The following SEPTIN3 variants were observed in gnomAD, a reference collection of about 807,000 sequenced individuals.
The protein encoded by SEPTIN3 is septin 3.
Under a neutral mutation model 45.1 loss-of-function variants are expected in SEPTIN3, and 15 were observed. The ratio of observed to expected loss-of-function variants is 0.33; its 90% CI spans 0.22 to 0.51. The LOEUF (loss-of-function observed/expected upper bound fraction) is 0.51, where lower values mean the gene tolerates loss of function less well. Ranked by LOEUF, SEPTIN3 falls within the 20% of genes least tolerant of loss-of-function variation. SEPTIN3 has a pLI of 0.97. For synonymous variants in SEPTIN3, 148 were observed against 164.8 expected (o/e 0.90, Z 0.78); for missense variants, 289 against 457.2 (o/e 0.63, Z 3.35).
chr22:41,985,978 C>A lies in SEPTIN3; in HGVS notation c.1697-6C>A. ...CTCCCTACCTCCTCCTCCTGCTTTG[C>A]TGTAGGCCAGAGTGGACTGGGCAAA... On this transcript the variant is annotated splice_polypyrimidine_tract_variant and splice_region_variant and intron_variant, in intron 3 of 11. Coordinates refer to ENST00000644076, the MANE Select transcript of SEPTIN3 (RefSeq NM_001363845.2). 1 of 1,603,710 alleles carries A rather than the reference C, an allele frequency of 6.2e-7. No individual in the cohort carries two copies. The highest frequency in any genetic ancestry group is 8.5e-7 in the Non-Finnish European group (1 of 1,174,888).
chr22:41,994,390 G>T lies in SEPTIN3; in HGVS notation c.2411+49G>T, dbSNP rs1195443986. On this transcript the variant is annotated intron_variant, in intron 10 of 11. Transcript: ENST00000644076. The surrounding 1 kb of genome is among the most constrained non-coding windows in gnomAD (Gnocchi z 4.2). ...TCCAGACAGCAGGTTGAATTATTTG[G>T]GGTCAGGGTCTATCTGTTCAGATTC... 1 of 1,593,468 alleles carries T rather than the reference G, an allele frequency of 6.3e-7. No homozygotes were observed. The highest frequency in any genetic ancestry group is 8.6e-7 in the Non-Finnish European group (1 of 1,162,098).
chr22:41,987,468 G>C (rs181494442), intron 5 of SEPTIN3, among the ~76,000 whole-genome samples, 154 bp from the exon 6 acceptor site: 27 of 152,294 alleles, frequency 1.8e-4, no homozygotes, highest in Non-Finnish European at 2.9e-4. Context: ...GAAAGCCATC[G>C]GTGCGGGGGC....
intron 11 of SEPTIN3, 99 bp from the exon 12 acceptor site, chr22:41,996,803 C>T: frequency 5.1e-6 from 8 of 1,570,244 alleles, no homozygotes; most frequent in Non-Finnish European, 6.1e-6. Flanking sequence ...TGCCTGGCAC[C>T]CCTGAACCAT....
chr22:41,984,455 A>C (rs2078170149), intron 3 of SEPTIN3, among the ~76,000 whole-genome samples: 1 of 152,216 alleles, frequency 6.6e-6, no homozygotes. Flanking sequence ...TGTCCGGGCA[A>C]TGCCGAGGCT....
At chr22:41,990,622 T>C (rs1265489824) in intron 7 of SEPTIN3, among the ~76,000 whole-genome samples, 2 of 150,492 alleles carry the variant, frequency 1.3e-5, no homozygotes, top group Non-Finnish European at 3.0e-5. Context: ...GGCGGGTGCC[T>C]GTAGTCCCAG....
Position 41,995,118 on chromosome 22 carries a change from G to A in SEPTIN3, c.2505+404G>A, listed in dbSNP as rs544996290. 8.3e-6 allele frequency: 9 copies of A among 1,089,322 alleles called. No individual in the cohort carries two copies. The South Asian group carries it at 1.4e-4, about 17-fold the overall frequency. 67.5% of individuals were successfully genotyped at this position (1,089,322 alleles called of 1,614,324 possible). A position where few individuals can be genotyped will look rare whatever the true frequency, so the allele number is the denominator to read the frequency against. The stretch of plus-strand genomic sequence containing the variant: ...GAGGTTTCATTTAAAAGTGCTGGGA[G>A]CAGGTGAGCCACAGGCAACTCTTCT... On this transcript the variant is annotated intron_variant, in intron 11 of 11. Transcript: ENST00000644076.
Position 41,976,999 on chromosome 22 carries a change from C to G in SEPTIN3, c.1504+4003C>G, listed in dbSNP as rs1459505511. The G allele has an allele frequency of 6.5e-6, 10 of 1,546,452 alleles. No homozygotes were observed. The East Asian group carries it at 2.6e-4, about 40-fold the overall frequency. On this transcript the variant is annotated intron_variant, in intron 2 of 11. Transcript: ENST00000644076. This position sits in a 1 kb window ranked among gnomAD's most constrained non-coding sequence, Gnocchi z 5.8. ...CCGCTCGGCCCGGGGAAGCCCGCGC[C>G]CCGCTCAGCCTTGCAGCCCCGCGCC...
intron 11 of SEPTIN3, chr22:41,995,756 T>C: frequency 1.0e-6 from 1 of 979,280 alleles, no homozygotes; most frequent in Non-Finnish European, 1.2e-6. Flanking sequence ...GTCAAGCACC[T>C]GAACAGGCCC....
rs190962969 is a variant in SEPTIN3, at chr22:41,970,497, A to T, written c.-20+820A>T. 4.0e-3 allele frequency among the ~76,000 whole-genome samples: 613 copies of T among 152,108 alleles called. 11 individuals carry two copies. Among genetic ancestry groups the T allele is most frequent in the Non-Finnish European group, 2.8e-3 (191 of 67,998 alleles). On this transcript the variant is annotated intron_variant, in intron 1 of 11. Transcript: ENST00000644076. The stretch of plus-strand genomic sequence containing the variant: ...TGTTCCCATCTGATCCCTCTGTCAC[A>T]CTGCCCGAGTGGCCGTTCCCACCTA...
At position 41,972,234 on chromosome 22, in the gene SEPTIN3, C is replaced by A; in HGVS notation, c.742C>A (p.Gln248Lys). The A allele has an allele frequency of 2.5e-6, 1 of 399,102 alleles. No homozygotes were observed. The highest frequency in any genetic ancestry group is 1.3e-4 in the South Asian group (1 of 7,854). The allele number at this position is 399,102 out of a possible 1,614,324, so 24.7% of individuals were successfully genotyped here. The change falls in exon 2 of 12, where the codon CAA becomes AAA. Residue 248 changes from glutamine (Q) to lysine (K), a missense_variant. Physicochemically the swap from Gln to Lys is moderately conservative, Grantham distance 53. Coordinates refer to ENST00000644076, the MANE Select transcript of SEPTIN3 (RefSeq NM_001363845.2). ...RGIPRPRGRL[Q>K]RANTTVNLTA... ...GATCCCCAGACCCCGGGGGCGTCTC[C>A]AAAGGGCCAACACGACTGTGAATTT...
chr22:41,986,487 CT>C (rs1226306928), intron 4 of SEPTIN3, among the ~76,000 whole-genome samples: 2 of 151,930 alleles, frequency 1.3e-5, no homozygotes, highest in Non-Finnish European at 1.5e-5. Context: ...AACCCTGTCT[CT>C]TTTTTTGTTT....
At chr22:41,982,433 G>A (rs187535218) in intron 3 of SEPTIN3, among the ~76,000 whole-genome samples, 32 of 152,286 alleles carry the variant, frequency 2.1e-4, no homozygotes, top group Non-Finnish European at 3.4e-4. Flanking sequence ...GCTCGAACCC[G>A]GGAGGTGGAG....
In SEPTIN3 at chr22:41,971,851, G is replaced by T. The variant is rs533927841; in HGVS notation, c.359G>T (p.Arg120Leu). ...SLTLHQNSQA[R>L]SLDRPLSHWE... ...ACTCTCCATCAGAACAGCCAGGCAC[G>T]GTCCCTGGATCGCCCACTTTCTCAC... The change falls in exon 2 of 12, where the codon CGG becomes CTG. Residue 120 changes from arginine (R) to leucine (L), a missense_variant. Physicochemically the swap from Arg to Leu is moderately radical, Grantham distance 102. Transcript: ENST00000644076. 5.0e-6 allele frequency: 2 copies of T among 399,200 alleles called. No homozygotes were observed. Among genetic ancestry groups the T allele is most frequent in the Non-Finnish European group, 8.8e-6 (2 of 226,220 alleles). 24.7% of individuals were successfully genotyped at this position (399,200 alleles called of 1,614,324 possible). A position where few individuals can be genotyped will look rare whatever the true frequency, so the allele number is the denominator to read the frequency against.
chr22:41,982,400 C>G (rs944232111), intron 3 of SEPTIN3, among the ~76,000 whole-genome samples: 4 of 152,046 alleles, frequency 2.6e-5, no homozygotes, highest in African/African-American at 9.7e-5. Flanking sequence ...CGCAGCTACT[C>G]GGGAGGCTGA....
intron 4 of SEPTIN3, among the ~76,000 whole-genome samples, chr22:41,986,506 G>GTTT (rs2078210485): frequency 2.0e-5 from 3 of 151,906 alleles, no homozygotes; most frequent in African/African-American, 7.3e-5. Context: ...TTTGTTTGTT[G>GTTT]TTTGTTTTTT....
intron 7 of SEPTIN3, 113 bp downstream of exon 7, chr22:41,989,797 C>A: frequency 1.4e-6 from 1 of 691,336 alleles, no homozygotes. Context: ...CCTCAACCCT[C>A]CCCCAATTCT....
At chr22:41,982,678 C>A (rs944310418) in intron 3 of SEPTIN3, among the ~76,000 whole-genome samples, 1 of 152,020 alleles carries the variant, frequency 6.6e-6, no homozygotes, top group Non-Finnish European at 1.5e-5. Flanking sequence ...CACCTGAGGA[C>A]AGGAGTTTGA....
intron 2 of SEPTIN3, chr22:41,977,089 C>T (rs1198937888): frequency 5.0e-6 from 8 of 1,594,526 alleles, no homozygotes; most frequent in Admixed American, 1.7e-5. Context: ...GGCGGCCGGC[C>T]AGGCCACCGG....
Position 41,991,632 on chromosome 22 carries a change from G to A in SEPTIN3, c.2223G>A (p.Glu741=). 6.2e-7 allele frequency: 1 copy of A among 1,614,062 alleles called. No individual in the cohort carries two copies. Residue 741 remains glutamate (E), a synonymous_variant, in exon 8 of 12, where the codon GAG becomes GAA. Transcript: ENST00000644076. The stretch of plus-strand genomic sequence containing the variant: ...TCTACCCCCAGAAGGAATTTGATGA[G>A]GATTTGGAGGATAAGACGGAGAATG... The part of the protein sequence containing the change: ...IEFYPQKEFD[E]DLEDKTENDK...
Sources: allele counts gnomAD v4.1 joint callset (sites outside exome capture counted in the v4.1 genomes callset), GRCh38; gene constraint gnomAD v4.1.1; non-coding constraint Gnocchi (gnomAD v3.1); transcripts MANE v1.5; gene names NCBI Gene and HGNC (gene_info 2026-07-23, HGNC 2026-07-21).